The following ASPH variants were observed in gnomAD, a reference collection of about 807,000 sequenced individuals.
The protein encoded by ASPH is aspartate beta-hydroxylase.
In ASPH, 100 loss-of-function variants were observed where a neutral mutation model predicts 118.4. The ratio of observed to expected loss-of-function variants is 0.84; its 90% CI spans 0.72 to 1.00. ASPH has a LOEUF of 1.00. ASPH is among the 50% of genes least tolerant of loss of function. The probability of loss-of-function intolerance (pLI) is 0.00; values close to 1 mark genes in which losing one functional copy is unlikely to be tolerated. For missense variants in ASPH, 920 were observed against 919.5 expected, an observed-to-expected ratio of 1.00 and a Z score of -0.01; for synonymous variants, 315 against 325.6, an observed-to-expected ratio of 0.97 and a Z score of 0.35.
chr8:61,509,678 T>G (rs1808066570), intron 24 of ASPH, among the ~76,000 whole-genome samples: 1 of 152,202 alleles, frequency 6.6e-6, no homozygotes, highest in African/African-American at 2.4e-5. Context: ...CTATTCAAGA[T>G]GGAGCTGCTC....
At chr8:61,713,283 G>A (rs550820754) in intron 1 of ASPH, among the ~76,000 whole-genome samples, 6 of 152,332 alleles carry the variant, frequency 3.9e-5, no homozygotes, top group South Asian at 2.1e-4. Context: ...AGGAGCTGGG[G>A]ATACAGAGAG....
chr8:61,621,341 GAA>G (rs1850871491), intron 13 of ASPH, among the ~76,000 whole-genome samples: 1 of 147,090 alleles, frequency 6.8e-6, no homozygotes, highest in East Asian at 2.0e-4. Flanking sequence ...AAAAAGAAAA[GAA>G]AAGAAAAGAA....
intron 3 of ASPH, chr8:61,660,910 T>C (rs766492172): frequency 4.6e-5 from 7 of 152,206 alleles, no homozygotes; most frequent in Non-Finnish European, 1.0e-4. Flanking sequence ...ATCTCATCTA[T>C]GGAAAAATGT....
At chr8:61,505,845 A>G (rs1338031884) in intron 24 of ASPH, among the ~76,000 whole-genome samples, 2 of 152,192 alleles carry the variant, frequency 1.3e-5, no homozygotes, top group Admixed American at 1.3e-4. Context: ...CAAGGCGGGG[A>G]AATACGCTGA....
intron 1 of ASPH, among the ~76,000 whole-genome samples, chr8:61,697,442 A>C (rs965345078): frequency 6.6e-6 from 1 of 152,194 alleles, no homozygotes; most frequent in African/African-American, 2.4e-5. Flanking sequence ...AATTCAATTC[A>C]GTTCTGACAC....
chr8:61,550,493 GA>G (rs1825614798), intron 20 of ASPH, among the ~76,000 whole-genome samples: 1 of 148,762 alleles, frequency 6.7e-6, no homozygotes. Flanking sequence ...GAGAGAGAGA[GA>G]GAGAGACAGA....
chr8:61,671,027 C>CA (rs1014022136), intron 3 of ASPH, among the ~76,000 whole-genome samples: 5 of 152,038 alleles, frequency 3.3e-5, no homozygotes. Flanking sequence ...AACTTTATAA[C>CA]AGATTTTTTT....
At chr8:61,507,680 A>C (rs1807158199) in intron 24 of ASPH, among the ~76,000 whole-genome samples, 1 of 152,200 alleles carries the variant, frequency 6.6e-6, no homozygotes, top group Non-Finnish European at 1.5e-5. Flanking sequence ...TCCACAACAA[A>C]GGGAGAGGAG....
chr8:61,507,436 G>C (rs1807047218), intron 24 of ASPH, among the ~76,000 whole-genome samples: 1 of 152,146 alleles, frequency 6.6e-6, no homozygotes, highest in African/African-American at 2.4e-5. Context: ...CCAGAAAATA[G>C]CAAAGATAGT....
At chr8:61,510,355 A>G (rs1381225013) in intron 24 of ASPH, among the ~76,000 whole-genome samples, 1 of 152,246 alleles carries the variant, frequency 6.6e-6, no homozygotes, top group Non-Finnish European at 1.5e-5. Flanking sequence ...ATGAAGATAC[A>G]TAACACTAAA....
chr8:61,505,233 C>T (rs373199840), intron 24 of ASPH, among the ~76,000 whole-genome samples: 3 of 152,274 alleles, frequency 2.0e-5, no homozygotes, highest in Non-Finnish European at 1.5e-5. Flanking sequence ...CGGTGGCTCA[C>T]GCCTGTAATC....
chr8:61,551,001 T>C lies in ASPH; in HGVS notation c.1626+2030A>G, dbSNP rs562088811. Reference sequence around the variant, plus strand: ...ATATCATTGAATGAGAGAAGGAACCTAGGAGGAAAAACGGTTTAGAGAAAG... The same window carrying C: ...ATATCATTGAATGAGAGAAGGAACCCAGGAGGAAAAACGGTTTAGAGAAAG... On this transcript the variant is annotated intron_variant, in intron 20 of 24. Coordinates refer to ENST00000379454, the MANE Select transcript of ASPH (RefSeq NM_004318.4). Among the ~76,000 whole-genome samples the C allele has an allele frequency of 5.3e-5, 8 of 152,184 alleles. No homozygotes were observed. The South Asian group carries it at 1.7e-3, about 32-fold the overall frequency.
At chr8:61,675,952 C>T (rs935388181) in intron 3 of ASPH, 1 of 1,511,680 alleles carries the variant, frequency 6.6e-7, no homozygotes, top group Non-Finnish European at 8.8e-7. Context: ...ACATGGTTGA[C>T]TTGCACGGTA....
At chr8:61,591,024 T>C (rs1478451472) in intron 14 of ASPH, among the ~76,000 whole-genome samples, 1 of 152,294 alleles carries the variant, frequency 6.6e-6, no homozygotes, top group Non-Finnish European at 1.5e-5. Flanking sequence ...ATGCTGGCGG[T>C]ATATACACAG....
intron 21 of ASPH, among the ~76,000 whole-genome samples, chr8:61,537,755 A>C (rs944836875): frequency 3.3e-5 from 5 of 152,166 alleles, no homozygotes; most frequent in Non-Finnish European, 5.9e-5. Context: ...TATAGTTTGC[A>C]ATTATTCTGA....
intron 14 of ASPH, among the ~76,000 whole-genome samples, chr8:61,616,719 G>A (rs894066774): frequency 3.3e-5 from 5 of 152,170 alleles, no homozygotes; most frequent in Non-Finnish European, 7.3e-5. Flanking sequence ...CCTCTGCTCA[G>A]AGTGCTTAGG....
chr8:61,610,909 T>G (rs1487741078), intron 14 of ASPH, among the ~76,000 whole-genome samples: 1 of 152,230 alleles, frequency 6.6e-6, no homozygotes, highest in Non-Finnish European at 1.5e-5. Context: ...AAGGCGGTGA[T>G]GGCTTGATCA....
chr8:61,689,643 C>T, intron 1 of ASPH: 1 of 1,567,880 alleles, frequency 6.4e-7, no homozygotes, highest in Non-Finnish European at 8.7e-7. Context: ...AGATCTAAAG[C>T]CACTTTTAGC....
intron 21 of ASPH, among the ~76,000 whole-genome samples, chr8:61,536,905 C>G (rs544975848): frequency 1.3e-3 from 201 of 152,302 alleles, no homozygotes; most frequent in African/African-American, 4.6e-3. Context: ...AATTCAGCCT[C>G]TCATCATCCT....
Sources: allele counts gnomAD v4.1 joint callset (sites outside exome capture counted in the v4.1 genomes callset), GRCh38; gene constraint gnomAD v4.1.1; transcripts MANE v1.5; gene names NCBI Gene and HGNC (gene_info 2026-07-23, HGNC 2026-07-21).